PRKG1: variants seen among roughly 807,000 people sequenced by gnomAD.
PRKG1 encodes cGMP-dependent protein kinase 1.
PRKG1 carries 35 observed loss-of-function variants against 88.1 expected under a neutral mutation model. That is an observed-to-expected ratio of 0.40 (90% CI 0.30 to 0.53). The LOEUF is 0.53. Ranked by LOEUF, PRKG1 falls within the 20% of genes least tolerant of loss-of-function variation. The probability of loss-of-function intolerance (pLI) is 0.59; values close to 1 mark genes in which losing one functional copy is unlikely to be tolerated. For missense variants in PRKG1, 540 were observed against 839.8 expected (o/e 0.64, Z 4.41); for synonymous variants, 303 against 292.5 (o/e 1.04, Z -0.37).
intron 5 of PRKG1, among the ~76,000 whole-genome samples, chr10:52,005,575 G>T (rs1844713153): frequency 6.6e-6 from 1 of 152,144 alleles, no homozygotes; most frequent in African/African-American, 2.4e-5. Flanking sequence ...GCTCGCTGTT[G>T]TCCCAGTAAG....
chr10:52,170,559 C>T (rs1564500323), intron 9 of PRKG1, among the ~76,000 whole-genome samples: 1 of 152,140 alleles, frequency 6.6e-6, no homozygotes, highest in Non-Finnish European at 1.5e-5. Context: ...CCCCCCTCTC[C>T]ACTCCATCGA....
At chr10:51,881,091 G>T (rs1408206654) in intron 4 of PRKG1, among the ~76,000 whole-genome samples, 8 of 152,100 alleles carry the variant, frequency 5.3e-5, no homozygotes, top group African/African-American at 1.9e-4. Context: ...CAGGTAAAGA[G>T]GGCAGCATAT....
intron 5 of PRKG1, among the ~76,000 whole-genome samples, chr10:51,954,381 A>G (rs1843254762): frequency 6.6e-6 from 1 of 152,146 alleles, no homozygotes; most frequent in African/African-American, 2.4e-5. Flanking sequence ...TTTCTAGACC[A>G]ACATTGCAAG....
intron 4 of PRKG1, among the ~76,000 whole-genome samples, chr10:51,872,318 G>T (rs897509403): frequency 1.3e-5 from 2 of 152,130 alleles, no homozygotes; most frequent in African/African-American, 4.8e-5. Context: ...TTGCTTCATA[G>T]ATTTTTTGTG....
At chr10:51,692,171 T>A (rs1162381965) in intron 3 of PRKG1, among the ~76,000 whole-genome samples, 4 of 152,164 alleles carry the variant, frequency 2.6e-5, no homozygotes, top group Admixed American at 2.6e-4. Flanking sequence ...AGAGTGATAT[T>A]TCCGATATGG....
chr10:51,071,804 CT>C (rs770933524), upstream of PRKG1, among the ~76,000 whole-genome samples: 3 of 152,184 alleles, frequency 2.0e-5, no homozygotes, highest in Non-Finnish European at 4.4e-5. Context: ...AACCTTCTCT[CT>C]TTGTGCTGCT....
intron 5 of PRKG1, among the ~76,000 whole-genome samples, chr10:51,913,994 G>A (rs1239657120): frequency 6.6e-6 from 1 of 151,972 alleles, no homozygotes; most frequent in African/African-American, 2.4e-5. Flanking sequence ...TGTACCTGGG[G>A]GAAGAGGAAA....
At chr10:51,009,756 T>C (rs991331860) in intron 1 of PRKG1, among the ~76,000 whole-genome samples, 13 of 152,358 alleles carry the variant, frequency 8.5e-5, no homozygotes, top group African/African-American at 3.1e-4. Flanking sequence ...GAATCCAGAT[T>C]TCTGGGAATG....
chr10:52,101,328 AT>A (rs1847288488), intron 7 of PRKG1, among the ~76,000 whole-genome samples: 1 of 151,032 alleles, frequency 6.6e-6, no homozygotes, highest in Admixed American at 6.7e-5. Flanking sequence ...AGGAATACGA[AT>A]TTGACATAAT....
intron 4 of PRKG1, among the ~76,000 whole-genome samples, chr10:51,907,101 T>C (rs754282022): frequency 3.3e-5 from 5 of 152,178 alleles, no homozygotes; most frequent in Non-Finnish European, 7.4e-5. Context: ...CTTCCCATCA[T>C]GGCCTGAACT....
At chr10:51,619,378 G>A (rs541578386) in intron 3 of PRKG1, among the ~76,000 whole-genome samples, 2 of 152,250 alleles carry the variant, frequency 1.3e-5, no homozygotes, top group African/African-American at 4.8e-5. Context: ...TATGAAGGAG[G>A]TTTTCATTTG....
At chr10:52,272,083 T>C (rs74135385) in intron 11 of PRKG1, among the ~76,000 whole-genome samples, 4,002 of 152,196 alleles carry the variant, frequency 0.026, 158 homozygotes, top group African/African-American at 0.092. Context: ...GACCACTAAA[T>C]GTTGCCCCAA....
intron 3 of PRKG1, among the ~76,000 whole-genome samples, chr10:51,518,172 A>AT (rs1841642733): frequency 6.6e-6 from 1 of 151,826 alleles, no homozygotes; most frequent in Non-Finnish European, 1.5e-5. Context: ...TAATTTTTGT[A>AT]TTTTTTGTAG....
intron 5 of PRKG1, among the ~76,000 whole-genome samples, chr10:51,972,823 A>C (rs1015674631): frequency 1.3e-5 from 2 of 151,980 alleles, no homozygotes; most frequent in African/African-American, 4.8e-5. Flanking sequence ...TGGTTTTTAC[A>C]GTTCTGATTT....
intron 4 of PRKG1, among the ~76,000 whole-genome samples, chr10:51,807,409 A>G (rs1839335625): frequency 6.6e-6 from 1 of 152,206 alleles, no homozygotes; most frequent in South Asian, 2.1e-4. Flanking sequence ...TGTAAGGGTC[A>G]TGGATGACAC....
chr10:51,362,494 A>G (rs569158634), intron 2 of PRKG1, among the ~76,000 whole-genome samples: 3 of 151,876 alleles, frequency 2.0e-5, no homozygotes, highest in African/African-American at 7.2e-5. Context: ...ATTGTTGATT[A>G]AGGAAATTAT....
chr10:51,481,145 C>T (rs776954960), intron 3 of PRKG1, among the ~76,000 whole-genome samples: 2 of 152,146 alleles, frequency 1.3e-5, no homozygotes, highest in African/African-American at 2.4e-5. Context: ...TTGACTATTT[C>T]TTTAGCATGA....
chr10:51,053,787 T>G (rs1427948693), intron 1 of PRKG1, among the ~76,000 whole-genome samples: 2 of 151,676 alleles, frequency 1.3e-5, no homozygotes, highest in Non-Finnish European at 2.9e-5. Flanking sequence ...TGTTTTTTTT[T>G]TTTTTAACTT....
intron 3 of PRKG1, among the ~76,000 whole-genome samples, chr10:51,630,313 C>A (rs117486374): frequency 2.6e-5 from 4 of 152,134 alleles, no homozygotes; most frequent in Admixed American, 2.6e-4. Flanking sequence ...TAATCACATC[C>A]TGCAAAACAT....
Sources: gnomAD v4.1 joint callset for allele counts (sites outside exome capture counted in the v4.1 genomes callset) on GRCh38, gnomAD v4.1.1 for gene constraint, MANE v1.5 for transcripts, NCBI Gene and HGNC (gene_info 2026-07-23, HGNC 2026-07-21) for gene names.